GRK1: variants seen among roughly 807,000 people sequenced by gnomAD.
GRK1 encodes the protein G protein-coupled receptor kinase 1, also known as rhodopsin kinase GRK1.
GRK1 carries 28 observed loss-of-function variants against 41.7 expected under a neutral mutation model. The observed-to-expected ratio is 0.67, with a 90% CI of 0.50 to 0.92. GRK1 has a LOEUF of 0.92. Ranked by LOEUF, GRK1 falls within the 40% of genes least tolerant of loss-of-function variation. The probability of loss-of-function intolerance (pLI) is 0.00; values close to 1 mark genes in which losing one functional copy is unlikely to be tolerated. For synonymous variants in GRK1, 327 were observed against 286.7 expected, an observed-to-expected ratio of 1.14 and a Z score of -1.42; for missense variants, 703 against 671.2, an observed-to-expected ratio of 1.05 and a Z score of -0.52.
At chr13:113,661,578 C>A in the GRK1 span, among the ~76,000 whole-genome samples, 1 of 152,014 alleles carries the variant, frequency 6.6e-6, no homozygotes. Context: ...AGGACTAGTT[C>A]TTTGAAAATG....
chr13:113,728,896 G>A (rs1190570019), intron 4 of GRK1, among the ~76,000 whole-genome samples: 2 of 152,184 alleles, frequency 1.3e-5, no homozygotes, highest in Non-Finnish European at 1.5e-5. Context: ...ACAAGGCCCG[G>A]CAGGTGGGCA....
the GRK1 span, among the ~76,000 whole-genome samples, chr13:113,657,776 G>T: frequency 6.6e-6 from 1 of 152,232 alleles, no homozygotes; most frequent in East Asian, 1.9e-4. Context: ...TGACATTTGG[G>T]GCCAGTCTGT....
upstream of GRK1, among the ~76,000 whole-genome samples, chr13:113,664,063 C>G (rs1454208361): frequency 1.3e-5 from 2 of 152,174 alleles, no homozygotes; most frequent in Non-Finnish European, 2.9e-5. This position sits in a 1 kb window ranked among gnomAD's most constrained non-coding sequence, Gnocchi z 5.4. Context: ...GTGGCACTCT[C>G]CTCTGTGGAG....
At chr13:113,728,159 C>T (rs868536418) in intron 4 of GRK1, among the ~76,000 whole-genome samples, 8 of 88,530 alleles carry the variant, frequency 9.0e-5, no homozygotes, top group South Asian at 4.1e-4. Context: ...GTACCCATGG[C>T]GATGAGGAAT....
chr13:113,658,257 G>T, the GRK1 span: 1 of 1,025,074 alleles, frequency 9.8e-7, no homozygotes, highest in Non-Finnish European at 1.4e-6. Flanking sequence ...CAAAGGCATC[G>T]CAGGCGAAGG....
At chr13:113,728,580 G>T (rs964424951) in intron 4 of GRK1, among the ~76,000 whole-genome samples, 1 of 152,174 alleles carries the variant, frequency 6.6e-6, no homozygotes, top group African/African-American at 2.4e-5. Flanking sequence ...TGGAGCAAGT[G>T]CTGTGCTCAT....
rs551684743 is a variant in GRK1 at position 113,671,108 on chromosome 13, A to C, written c.828-391A>C. Among the ~76,000 whole-genome samples the C allele has an allele frequency of 6.6e-6, 1 of 152,360 alleles. No homozygotes were observed. Among genetic ancestry groups the C allele is most frequent in the South Asian group, 2.1e-4 (1 of 4,830 alleles). ...GTTCTATGGGGGAGGAAAGAGGCTG[A>C]GAAGAAACACCTTACTGCAAATCTT... On this transcript the variant is annotated intron_variant, in intron 2 of 6. Transcript: ENST00000335678. This position sits in a 1 kb window ranked among gnomAD's most constrained non-coding sequence, Gnocchi z 4.1.
chr13:113,731,406 G>A lies in GRK1; in HGVS notation c.1194+63G>A. 6.5e-7 allele frequency: 1 copy of A among 1,529,722 alleles called. No individual in the cohort carries two copies. Among genetic ancestry groups the A allele is most frequent in the African/African-American group, 1.4e-5 (1 of 72,980 alleles). The allele number at this position is 1,529,722 out of a possible 1,614,324, so 94.8% of individuals were successfully genotyped here. On this transcript the variant is annotated intron_variant, in intron 5 of 6. Coordinates refer to ENST00000335678, the MANE Select transcript of GRK1 (RefSeq NM_002929.3). This position sits in a 1 kb window ranked among gnomAD's most constrained non-coding sequence, Gnocchi z 5.6. ...GGCGCCCTGGCTCTCGATGGGGACG[G>A]GGCAGTGATGGGATCGTTACTGGGG... is the stretch of plus-strand genomic sequence containing the variant.
chr13:113,663,357 G>A (rs1163553696), upstream of GRK1, among the ~76,000 whole-genome samples: 1 of 152,218 alleles, frequency 6.6e-6, no homozygotes, highest in Non-Finnish European at 1.5e-5. Context: ...AAGTGGATAT[G>A]AACGTAAATG....
chr13:113,733,778 C>G (rs866512030), intron 6 of GRK1, among the ~76,000 whole-genome samples: 1 of 89,450 alleles, frequency 1.1e-5, no homozygotes, highest in Non-Finnish European at 2.3e-5. Flanking sequence ...TGTGTGCATA[C>G]GTGTGTGCAT....
Position 113,735,116 on chromosome 13 carries a change from AG to A in GRK1, c.1447del (p.Asp483IlefsTer40). ...CCAGACTCCAAAACTGTCTACGCAA[AG>A]GATATTCAGGACGTGGGTGCCTTTT... is the stretch of plus-strand genomic sequence containing the variant. ...FIPDSKTVYAKDIQDVGAFST... is the reference protein window; with the variant it reads ...FIPDSKTVYAXDIQDVGAFST... On this transcript the variant is annotated frameshift_variant, in exon 7 of 7. Coordinates refer to ENST00000335678, the MANE Select transcript of GRK1 (RefSeq NM_002929.3). LOFTEE classifies it low-confidence loss of function (END_TRUNC). The A allele has an allele frequency of 1.3e-6, 2 of 1,536,362 alleles. No individual in the cohort carries two copies. Among genetic ancestry groups the A allele is most frequent in the Non-Finnish European group, 1.7e-6 (2 of 1,146,276 alleles).
intron 6 of GRK1, among the ~76,000 whole-genome samples, chr13:113,733,698 TGTG>T (rs1839179219): frequency 7.1e-6 from 1 of 140,960 alleles, no homozygotes; most frequent in Admixed American, 7.0e-5. Flanking sequence ...TGTGCATACA[TGTG>T]TGCGTGTGTG....
the GRK1 span, among the ~76,000 whole-genome samples, chr13:113,655,477 C>T: frequency 1.3e-5 from 2 of 152,272 alleles, 1 homozygote; most frequent in South Asian, 4.1e-4. Context: ...GCAAGGGTGT[C>T]CATAGGCACC....
chr13:113,664,223 G>A (rs2049804763), upstream of GRK1, among the ~76,000 whole-genome samples: 1 of 152,170 alleles, frequency 6.6e-6, no homozygotes, highest in African/African-American at 2.4e-5. The surrounding 1 kb of genome is among the most constrained non-coding windows in gnomAD (Gnocchi z 5.4). Context: ...AGGGCGGGCT[G>A]GGGGAACTTC....
Position 113,733,732 on chromosome 13 carries a change from T to C in GRK1, c.1396+647T>C, listed in dbSNP as rs538122038. On this transcript the variant is annotated intron_variant, in intron 6 of 6. Coordinates refer to ENST00000335678, the MANE Select transcript of GRK1 (RefSeq NM_002929.3). ...GTGTGCGCACGTGTGTGTGCGCGCG[T>C]GTGTATGTGTGCATACATGTGTGTG... is the stretch of plus-strand genomic sequence containing the variant. Among the ~76,000 whole-genome samples, 42 of 142,680 alleles carry C rather than the reference T, an allele frequency of 2.9e-4. 1 individual carries two copies. Among genetic ancestry groups the C allele is most frequent in the South Asian group, 2.4e-3 (11 of 4,610 alleles). The allele number at this position is 142,680 out of a possible 152,430, so 93.6% of individuals were successfully genotyped here. A position where few individuals can be genotyped will look rare whatever the true frequency, so the allele number is the denominator to read the frequency against.
chr13:113,655,168 G>A, the GRK1 span, among the ~76,000 whole-genome samples: 3 of 152,148 alleles, frequency 2.0e-5, no homozygotes, highest in African/African-American at 4.8e-5. Context: ...CCGTCTGGAC[G>A]TCCACATAGG....
the GRK1 span, chr13:113,649,491 G>A: frequency 6.4e-7 from 1 of 1,551,912 alleles, no homozygotes; most frequent in Non-Finnish European, 8.7e-7. This position sits in a 1 kb window ranked among gnomAD's most constrained non-coding sequence, Gnocchi z 4.7. Flanking sequence ...CGTTCCTGGG[G>A]ATGTTGAGGA....
At position 113,733,710 on chromosome 13, in the gene GRK1, TGC is replaced by T. The variant is rs778886013; in HGVS notation, c.1396+628_1396+629del. 1.3e-3 allele frequency among the ~76,000 whole-genome samples: 174 copies of T among 137,146 alleles called. 3 individuals carry two copies. Among genetic ancestry groups the T allele is most frequent in the East Asian group, 6.4e-3 (31 of 4,808 alleles). The allele number at this position is 137,146 out of a possible 152,430, so 90.0% of individuals were successfully genotyped here. On this transcript the variant is annotated intron_variant, in intron 6 of 6. Transcript: ENST00000335678. Reference sequence around the variant, plus strand: ...ATGTGTGCATACATGTGTGCGTGTGTGCGCACGTGTGTGTGCGCGCGTGTGTA... The same window carrying T: ...ATGTGTGCATACATGTGTGCGTGTGTGCACGTGTGTGTGCGCGCGTGTGTA...
At chr13:113,660,056 T>C in the GRK1 span, among the ~76,000 whole-genome samples, 1 of 152,210 alleles carries the variant, frequency 6.6e-6, no homozygotes, top group African/African-American at 2.4e-5. Flanking sequence ...AGAATGACCT[T>C]CTTCTGGACA....
Sources: allele counts gnomAD v4.1 joint callset (sites outside exome capture counted in the v4.1 genomes callset), GRCh38; gene constraint gnomAD v4.1.1; non-coding constraint Gnocchi (gnomAD v3.1); transcripts MANE v1.5; gene names NCBI Gene and HGNC (gene_info 2026-07-23, HGNC 2026-07-21).